KATNB1: variants seen among roughly 807,000 people sequenced by gnomAD.
KATNB1 encodes katanin p80 WD40 repeat-containing subunit B1.
KATNB1 carries 38 observed loss-of-function variants against 82.3 expected under a neutral mutation model. The observed-to-expected ratio is 0.46, with a 90% confidence interval of 0.36 to 0.61. The LOEUF is 0.61. KATNB1 is among the 20% of genes least tolerant of loss of function. The pLI is 0.00. For synonymous variants in KATNB1, 361 were observed against 368.7 expected, an observed-to-expected ratio of 0.98 and a Z score of 0.24; for missense variants, 749 against 915.7, an observed-to-expected ratio of 0.82 and a Z score of 2.35.
rs781899713 is a variant in KATNB1 at position 57,741,708 on chromosome 16, G to A, written c.62G>A (p.Ser21Asn). 1.1e-5 allele frequency: 17 copies of A among 1,613,858 alleles called. No homozygotes were observed. In the South Asian group the frequency reaches 1.9e-4, roughly 18 times the overall value. ...WKLQEIVAHA[S>N]NVSSLVLGKA... ...GTAGAAGAGATCGTCGCGCATGCCA[G>A]CAACGTGTCCTCACTGGTGCTGGGC... Residue 21 changes from serine (S) to asparagine (N), a missense_variant, in exon 3 of 20, where the codon AGC becomes AAC. Ser to Asn is a conservative substitution (Grantham distance 46). Coordinates refer to ENST00000379661, the MANE Select transcript of KATNB1 (RefSeq NM_005886.3).
Position 57,752,535 on chromosome 16 carries a change from T to A in KATNB1, c.638T>A (p.Ile213Asn). 1 of 1,564,526 alleles carries A rather than the reference T, an allele frequency of 6.4e-7. No individual in the cohort carries two copies. ...LLASGSSDRT[I>N]RFWDLEKFQV... The stretch of plus-strand genomic sequence containing the variant: ...CAGCTTGGCTGCCTTTGCAGGACAA[T>A]CCGCTTCTGGGACCTGGAGAAGTTC... Residue 213 changes from isoleucine to asparagine, a missense_variant, in exon 9 of 20, where the codon ATC becomes AAC. Coordinates refer to ENST00000379661, the MANE Select transcript of KATNB1 (RefSeq NM_005886.3).
intron 12 of KATNB1, 118 bp downstream of exon 12, chr16:57,753,637 C>G: frequency 7.5e-7 from 1 of 1,337,574 alleles, no homozygotes; most frequent in East Asian, 2.4e-5. Flanking sequence ...TAACCCACAC[C>G]TGGGCTCCGT....
At chr16:57,748,468 T>TAAA (rs66719702) in intron 4 of KATNB1, among the ~76,000 whole-genome samples, 1 of 134,436 alleles carries the variant, frequency 7.4e-6, no homozygotes, top group African/African-American at 2.7e-5. Context: ...TCTATTTTTT[T>TAAA]AAAAAAAAAA....
chr16:57,737,113 T>A lies in KATNB1; in HGVS notation c.-131T>A. The stretch of plus-strand genomic sequence containing the variant: ...ACCCCAGGGCCAGAAGACGAGGCAT[T>A]CTGTCTGCCTGGATGTGTGGGAACT... On this transcript the variant is annotated 5_prime_UTR_variant, in exon 2 of 20. Transcript: ENST00000379661. 9.6e-6 allele frequency: 11 copies of A among 1,147,008 alleles called. No individual in the cohort carries two copies. The highest frequency in any genetic ancestry group is 1.4e-5 in the Non-Finnish European group (11 of 782,718). The allele number at this position is 1,147,008 out of a possible 1,614,324, so 71.1% of individuals were successfully genotyped here. A position where few individuals can be genotyped will look rare whatever the true frequency, so the allele number is the denominator to read the frequency against.
At position 57,755,903 on chromosome 16, in the gene KATNB1, C is replaced by T. The variant is rs782093599; in HGVS notation, c.1629C>T (p.Ile543=). 8.8e-6 allele frequency: 14 copies of T among 1,598,056 alleles called. No individual in the cohort carries two copies. Among genetic ancestry groups the T allele is most frequent in the Non-Finnish European group, 1.2e-5 (14 of 1,167,892 alleles). ...CGGTGGTGGTGGACCTCCTGAACAT[C>T]GTCAACCAGAAAGCGTAAGTGGCTG... is the stretch of plus-strand genomic sequence containing the variant. The part of the protein sequence containing the change: ...DLSVVVDLLN[I]VNQKASLWKL... Residue 543 remains isoleucine (I), a synonymous_variant, in exon 17 of 20, where the codon ATC becomes ATT. Transcript: ENST00000379661.
intron 10 of KATNB1, 69 bp downstream of exon 10, chr16:57,752,997 C>T (rs2049241009): frequency 1.9e-6 from 3 of 1,592,370 alleles, no homozygotes; most frequent in South Asian, 1.1e-5. Context: ...AGCCCAGGCC[C>T]CTCCTCCTAC....
Position 57,756,999 on chromosome 16 carries a change from C to A in KATNB1, c.*53C>A. On this transcript the variant is annotated 3_prime_UTR_variant, in exon 20 of 20. Transcript: ENST00000379661. ...AGCCCACAGGGCCTGGCCTCAGCCC[C>A]CACTCCTGTTCCTTGTGCACCCACT... 6.9e-7 allele frequency: 1 copy of A among 1,452,702 alleles called. No individual in the cohort carries two copies. Among genetic ancestry groups the A allele is most frequent in the Non-Finnish European group, 9.1e-7 (1 of 1,098,194 alleles). The allele number at this position is 1,452,702 out of a possible 1,614,324, so 90.0% of individuals were successfully genotyped here. A position where few individuals can be genotyped will look rare whatever the true frequency, so the allele number is the denominator to read the frequency against.
At chr16:57,742,109 G>A (rs1176947909) in intron 3 of KATNB1, among the ~76,000 whole-genome samples, 1 of 152,246 alleles carries the variant, frequency 6.6e-6, no homozygotes, top group Non-Finnish European at 1.5e-5. Flanking sequence ...CAGGCAGGCT[G>A]CGTGAGAAGA....
Position 57,753,975 on chromosome 16 carries a change from T to A in KATNB1, c.1208T>A (p.Phe403Tyr), listed in dbSNP as rs782067668. 2 of 1,613,578 alleles carry A rather than the reference T, an allele frequency of 1.2e-6. No individual in the cohort carries two copies. The highest frequency in any genetic ancestry group is 1.1e-5 in the South Asian group (1 of 91,024). Residue 403 changes from phenylalanine (F) to tyrosine (Y), a missense_variant, in exon 13 of 20, where the codon TTC (phenylalanine) becomes TAC (tyrosine). Phe to Tyr is a conservative substitution (Grantham distance 22, BLOSUM62 3). Coordinates refer to ENST00000379661, the MANE Select transcript of KATNB1 (RefSeq NM_005886.3). ...SRTPPRRSEP[F>Y]PAPPEDDAAT... Reference sequence around the variant, plus strand: ...ACGCCACCCCGGAGAAGTGAGCCCTTCCCTGCACCCCCAGAGGACGGTGAG... The same window carrying A: ...ACGCCACCCCGGAGAAGTGAGCCCTACCCTGCACCCCCAGAGGACGGTGAG...
At chr16:57,750,029 C>G (rs1555582571) in intron 4 of KATNB1, among the ~76,000 whole-genome samples, 1 of 152,202 alleles carries the variant, frequency 6.6e-6, no homozygotes, top group Non-Finnish European at 1.5e-5. Context: ...AACAGCATCC[C>G]TCATCCTCCA....
rs113476441 is a variant in KATNB1 at position 57,745,774 on chromosome 16, C to A, written c.289+1263C>A. ...TATTTCTTTTTAATAACTTGGTTTC[C>A]CTGGAGTTAATAATAGTTCCTTTTT... On this transcript the variant is annotated intron_variant, in intron 4 of 19. Transcript: ENST00000379661. Among the ~76,000 whole-genome samples, 257 of 149,276 alleles carry A rather than the reference C, an allele frequency of 1.7e-3. 3 individuals carry two copies. The highest frequency in any genetic ancestry group is 6.2e-3 in the African/African-American group (245 of 39,428).
At position 57,756,230 on chromosome 16, in the gene KATNB1, G is replaced by A. The variant is rs1432211406; in HGVS notation, c.1719-126G>A. The A allele has an allele frequency of 4.3e-5, 47 of 1,099,002 alleles. No individual in the cohort carries two copies. The highest frequency in any genetic ancestry group is 7.0e-5 in the Admixed American group (4 of 56,770). The allele number at this position is 1,099,002 out of a possible 1,614,324, so 68.1% of individuals were successfully genotyped here. On this transcript the variant is annotated intron_variant, in intron 18 of 19. Coordinates refer to ENST00000379661, the MANE Select transcript of KATNB1 (RefSeq NM_005886.3). ...TCCGGAGGTGGGAGTGGAAACAGGCGTGTGTGGGTGTATGTGTGGGTGTGT... is the reference window on the plus strand; with the variant it reads ...TCCGGAGGTGGGAGTGGAAACAGGCATGTGTGGGTGTATGTGTGGGTGTGT...
intron 12 of KATNB1, among the ~76,000 whole-genome samples, 189 bp from the exon 13 acceptor site, chr16:57,753,756 C>T (rs1201037862): frequency 6.6e-6 from 1 of 152,092 alleles, no homozygotes; most frequent in East Asian, 1.9e-4. Context: ...GTGTCCCAGT[C>T]CCTGCCCTGC....
At chr16:57,756,683 G>A in intron 19 of KATNB1, 131 bp from the exon 20 acceptor site, 2 of 1,397,666 alleles carry the variant, frequency 1.4e-6, no homozygotes, top group Non-Finnish European at 1.9e-6. Flanking sequence ...GCAGGGCCTG[G>A]GTGGTTCCCC....
At chr16:57,748,583 T>C (rs1555582189) in intron 4 of KATNB1, among the ~76,000 whole-genome samples, 1 of 151,470 alleles carries the variant, frequency 6.6e-6, no homozygotes, top group East Asian at 1.9e-4. Flanking sequence ...CTGGGAGGCG[T>C]TGGGGGTTCC....
rs782566070 is a variant in KATNB1, at chr16:57,753,129, C to T, written c.908C>T (p.Thr303Met). Residue 303 changes from threonine (T) to methionine (M), a missense_variant, in exon 11 of 20, where the codon ACG becomes ATG. Around this residue, in one of 3 missense-constraint regions of KATNB1, gnomAD observed 407 missense variants for 434.7 expected, o/e 0.94. Transcript: ENST00000379661. ...SNVSSYVVDL[T>M]RVTRTGTVAR... is the part of the protein sequence containing the mutation. Reference sequence around the variant, plus strand: ...GTCTCCTCCTACGTGGTGGATCTGACGCGTGTCACCAGGACTGGCACGGTG... The same window carrying T: ...GTCTCCTCCTACGTGGTGGATCTGATGCGTGTCACCAGGACTGGCACGGTG... 13 of 1,611,060 alleles carry T rather than the reference C, an allele frequency of 8.1e-6. No homozygotes were observed. Among genetic ancestry groups the T allele is most frequent in the Middle Eastern group, 1.7e-4 (1 of 6,058 alleles).
At chr16:57,755,785 C>A in intron 16 of KATNB1, 56 bp from the exon 17 acceptor site, 1 of 1,515,208 alleles carries the variant, frequency 6.6e-7, no homozygotes, top group Non-Finnish European at 8.9e-7. Flanking sequence ...CCCTCACCCT[C>A]ACAGGGCCAC....
intron 3 of KATNB1, among the ~76,000 whole-genome samples, chr16:57,743,731 C>T (rs1555580413): frequency 1.3e-5 from 2 of 152,264 alleles, no homozygotes; most frequent in Non-Finnish European, 2.9e-5. Context: ...GGGTCTCTCT[C>T]CCCTTGGGGT....
At chr16:57,756,634 C>A in intron 19 of KATNB1, 162 bp downstream of exon 19, 1 of 1,221,380 alleles carries the variant, frequency 8.2e-7, no homozygotes, top group Non-Finnish European at 1.1e-6. Context: ...TTAGCCAGAG[C>A]TGGGTTCCTC....
Sources: allele counts gnomAD v4.1 joint callset (sites outside exome capture counted in the v4.1 genomes callset), GRCh38; gene constraint gnomAD v4.1.1; regional missense constraint gnomAD v4.1.1; transcripts MANE v1.5; gene names NCBI Gene and HGNC (gene_info 2026-07-23, HGNC 2026-07-21).